The following RCAN2 variants were observed in gnomAD, a reference collection of about 807,000 sequenced individuals.
The protein encoded by RCAN2 is regulator of calcineurin 2.
A neutral mutation model predicts 23.6 loss-of-function variants in RCAN2; 9 were observed. The observed-to-expected ratio is 0.38, with a 90% CI of 0.23 to 0.67. The LOEUF is 0.67. RCAN2 is among the 30% of genes least tolerant of loss of function. The pLI is 0.51. For missense variants in RCAN2, 273 were observed against 302.3 expected (o/e 0.90, Z 0.72); for synonymous variants, 109 against 115.7 (o/e 0.94, Z 0.37).
chr6:46,458,183 G>A (rs1582218645), intron 1 of RCAN2, among the ~76,000 whole-genome samples: 1 of 152,284 alleles, frequency 6.6e-6, no homozygotes, highest in East Asian at 1.9e-4. Context: ...ACAGAAAGGT[G>A]GGTACCACTA....
At chr6:46,291,981 C>G (rs1762576169) in intron 2 of RCAN2, among the ~76,000 whole-genome samples, 1 of 152,168 alleles carries the variant, frequency 6.6e-6, no homozygotes, top group Admixed American at 6.5e-5. Flanking sequence ...AGTAGCTCAG[C>G]TTTTTCCAGT....
intron 1 of RCAN2, chr6:46,468,956 T>C: frequency 2.5e-6 from 1 of 398,868 alleles, no homozygotes; most frequent in Non-Finnish European, 3.4e-6. Flanking sequence ...AGTAAGTCAC[T>C]GCCCCCAGCT....
chr6:46,252,689 A>G (rs547761694), intron 2 of RCAN2, among the ~76,000 whole-genome samples: 1 of 152,184 alleles, frequency 6.6e-6, no homozygotes, highest in African/African-American at 2.4e-5. Context: ...AAAAAGTTTA[A>G]TGAGAAGATT....
intron 2 of RCAN2, among the ~76,000 whole-genome samples, chr6:46,381,311 C>T (rs765663989): frequency 6.6e-6 from 1 of 152,198 alleles, no homozygotes; most frequent in African/African-American, 2.4e-5. Context: ...CAACCTTGGG[C>T]AAGTCACTTT....
intron 2 of RCAN2, among the ~76,000 whole-genome samples, chr6:46,272,629 C>T (rs1307423030): frequency 6.6e-6 from 1 of 152,140 alleles, no homozygotes; most frequent in African/African-American, 2.4e-5. Context: ...TGTTAAAATG[C>T]TTTTCTGTTA....
rs147586237 is a variant in RCAN2 at position 46,453,334 on chromosome 6, C to T, written c.225+3418G>A. 1.0e-3 allele frequency among the ~76,000 whole-genome samples: 158 copies of T among 152,336 alleles called. 3 individuals carry two copies. The South Asian group carries it at 0.013, about 12-fold the overall frequency. On this transcript the variant is annotated intron_variant, in intron 2 of 4. Coordinates refer to ENST00000371374, the MANE Select transcript of RCAN2 (RefSeq NM_001251974.2). Reference sequence around the variant, plus strand: ...TTCAGATGCCAATTTCCTCCAGCTCCGGTTCTCCTTTGTGTTATATAAACA... The same window carrying T: ...TTCAGATGCCAATTTCCTCCAGCTCTGGTTCTCCTTTGTGTTATATAAACA...
chr6:46,395,513 TA>T (rs2150400305), intron 2 of RCAN2, among the ~76,000 whole-genome samples: 1 of 152,358 alleles, frequency 6.6e-6, no homozygotes, highest in African/African-American at 2.4e-5. Context: ...ACACATCTAA[TA>T]GTAATTACAC....
At chr6:46,425,075 C>T (rs1766996988) in intron 2 of RCAN2, among the ~76,000 whole-genome samples, 1 of 152,144 alleles carries the variant, frequency 6.6e-6, no homozygotes, top group African/African-American at 2.4e-5. Context: ...CTTCAACAGG[C>T]TGGATGTCAA....
intron 2 of RCAN2, among the ~76,000 whole-genome samples, chr6:46,379,627 G>A (rs1366661567): frequency 2.0e-5 from 3 of 152,126 alleles, no homozygotes; most frequent in Non-Finnish European, 4.4e-5. Flanking sequence ...ATGTTTGGGG[G>A]ATTTGAACAA....
intron 2 of RCAN2, among the ~76,000 whole-genome samples, chr6:46,255,119 C>T (rs1187379473): frequency 6.6e-6 from 1 of 152,140 alleles, no homozygotes; most frequent in Non-Finnish European, 1.5e-5. Flanking sequence ...TATAGGCAGC[C>T]TTGCAGACCT....
At chr6:46,359,220 T>C (rs957142178) in intron 2 of RCAN2, among the ~76,000 whole-genome samples, 8 of 152,130 alleles carry the variant, frequency 5.3e-5, no homozygotes, top group Admixed American at 2.0e-4. Flanking sequence ...ACCTTGACAC[T>C]GGAAAGTACA....
chr6:46,411,815 T>A (rs1766559328), intron 2 of RCAN2, among the ~76,000 whole-genome samples: 1 of 152,062 alleles, frequency 6.6e-6, no homozygotes, highest in Admixed American at 6.5e-5. Context: ...ACAAAAAAAA[T>A]TATGTGCAGA....
intron 4 of RCAN2, among the ~76,000 whole-genome samples, chr6:46,230,226 G>T (rs1220313963): frequency 6.6e-6 from 1 of 152,222 alleles, no homozygotes; most frequent in African/African-American, 2.4e-5. Context: ...TCAGGGGTCA[G>T]GGAACCACTT....
intron 1 of RCAN2, among the ~76,000 whole-genome samples, chr6:46,477,719 G>A (rs1050778164): frequency 5.9e-5 from 9 of 152,080 alleles, no homozygotes; most frequent in East Asian, 1.9e-4. Context: ...TACAAAAATC[G>A]ATGCCATCCT....
chr6:46,436,829 C>G (rs142273832), intron 2 of RCAN2, among the ~76,000 whole-genome samples: 1 of 152,256 alleles, frequency 6.6e-6, no homozygotes, highest in Non-Finnish European at 1.5e-5. Context: ...TATCATTTCC[C>G]TAATTAGAGA....
chr6:46,252,478 C>T (rs1766763725), intron 2 of RCAN2, among the ~76,000 whole-genome samples: 1 of 152,156 alleles, frequency 6.6e-6, no homozygotes, highest in African/African-American at 2.4e-5. Context: ...TTCAGGACCT[C>T]TTTACACTCT....
chr6:46,251,820 A>G (rs1766734415), intron 2 of RCAN2, among the ~76,000 whole-genome samples: 1 of 151,814 alleles, frequency 6.6e-6, no homozygotes, highest in Non-Finnish European at 1.5e-5. Flanking sequence ...CCAGGCACCA[A>G]CTCCCACCAA....
In RCAN2 at chr6:46,392,963, T is replaced by C. The variant is rs1765977920; in HGVS notation, c.225+63789A>G. Among the ~76,000 whole-genome samples the C allele has an allele frequency of 3.3e-5, 5 of 152,252 alleles. No individual in the cohort carries two copies. The South Asian group carries it at 8.3e-4, about 25-fold the overall frequency. ...TAGTATATTAAAGGAAAACTGAAAC[T>C]TTTCAAAAATATAAAGGCCATTTTT... On this transcript the variant is annotated intron_variant, in intron 2 of 4. Coordinates refer to ENST00000371374, the MANE Select transcript of RCAN2 (RefSeq NM_001251974.2).
chr6:46,239,551 G>A (rs1766227949), intron 4 of RCAN2, among the ~76,000 whole-genome samples: 1 of 152,180 alleles, frequency 6.6e-6, no homozygotes, highest in Non-Finnish European at 1.5e-5. Flanking sequence ...GCCTCAGTAG[G>A]CCTTGTATGT....
Sources: allele counts gnomAD v4.1 joint callset (sites outside exome capture counted in the v4.1 genomes callset), GRCh38; gene constraint gnomAD v4.1.1; transcripts MANE v1.5; gene names NCBI Gene and HGNC (gene_info 2026-07-23, HGNC 2026-07-21).